Variants in MAPK4 observed in about 807,000 individuals in gnomAD.
MAPK4 encodes mitogen-activated protein kinase 4.
Under a neutral mutation model 47.7 loss-of-function variants are expected in MAPK4, and 22 were observed. The observed-to-expected ratio is 0.46, with a 90% confidence interval of 0.33 to 0.66. The LOEUF (loss-of-function observed/expected upper bound fraction) is 0.66, where lower values mean the gene tolerates loss of function less well. Among genes scored for constraint, MAPK4 ranks in the 30% least tolerant of loss-of-function variants. MAPK4 has a pLI of 0.02. For synonymous variants in MAPK4, 390 were observed against 365.7 expected (o/e 1.07, Z -0.76); for missense variants, 736 against 831.7 (o/e 0.88, Z 1.42).
intron 1 of MAPK4, among the ~76,000 whole-genome samples, chr18:50,615,279 G>A (rs758193875): frequency 8.5e-5 from 13 of 152,162 alleles, no homozygotes; most frequent in Non-Finnish European, 1.8e-4. Context: ...GGTGGAAGCT[G>A]CAGCCCCGAA....
intron 1 of MAPK4, among the ~76,000 whole-genome samples, chr18:50,574,530 TCTC>T (rs1235077644): frequency 6.6e-6 from 1 of 152,182 alleles, no homozygotes; most frequent in African/African-American, 2.4e-5. Flanking sequence ...AGAGCCCAGT[TCTC>T]CTCACTTCTA....
At chr18:50,592,456 A>T (rs995455357) in intron 1 of MAPK4, among the ~76,000 whole-genome samples, 1 of 152,208 alleles carries the variant, frequency 6.6e-6, no homozygotes, top group African/African-American at 2.4e-5. Flanking sequence ...TCTCAATAAG[A>T]GAATCAAAGA....
At chr18:50,606,064 G>A (rs1442550383) in intron 1 of MAPK4, among the ~76,000 whole-genome samples, 1 of 151,916 alleles carries the variant, frequency 6.6e-6, no homozygotes, top group Admixed American at 6.6e-5. Context: ...GGAGGTGGCG[G>A]GGGCGGGGGT....
chr18:50,615,569 A>G (rs2042677835), intron 1 of MAPK4, among the ~76,000 whole-genome samples: 1 of 152,162 alleles, frequency 6.6e-6, no homozygotes, highest in Non-Finnish European at 1.5e-5. Context: ...TTCTACACAC[A>G]TCCCGCTGGT....
intron 1 of MAPK4, among the ~76,000 whole-genome samples, chr18:50,636,907 C>G (rs980003215): frequency 2.0e-5 from 3 of 152,208 alleles, no homozygotes; most frequent in Non-Finnish European, 4.4e-5. Flanking sequence ...GAGATCATCT[C>G]TGTTCACGAT....
intron 2 of MAPK4, among the ~76,000 whole-genome samples, chr18:50,677,120 T>C (rs1908317812): frequency 6.6e-6 from 1 of 152,154 alleles, no homozygotes; most frequent in Non-Finnish European, 1.5e-5. Context: ...GCACGCTCCT[T>C]ATGAGAATCT....
chr18:50,691,699 C>A (rs1909225030), intron 2 of MAPK4, among the ~76,000 whole-genome samples: 1 of 152,194 alleles, frequency 6.6e-6, no homozygotes, highest in Non-Finnish European at 1.5e-5. Flanking sequence ...CTGGAGAATT[C>A]CTTTGCAAAA....
chr18:50,614,163 T>G (rs1182275730), intron 1 of MAPK4, among the ~76,000 whole-genome samples: 1 of 152,160 alleles, frequency 6.6e-6, no homozygotes, highest in Non-Finnish European at 1.5e-5. Context: ...AATTCATAAA[T>G]TATATATACT....
chr18:50,562,439 C>T (rs913115159), intron 1 of MAPK4, among the ~76,000 whole-genome samples: 4 of 145,742 alleles, frequency 2.7e-5, no homozygotes, highest in African/African-American at 1.0e-4. Flanking sequence ...AAAAAAAAGA[C>T]ACCTCCTAAA....
intron 1 of MAPK4, among the ~76,000 whole-genome samples, chr18:50,647,504 G>A (rs1277209590): frequency 6.6e-6 from 1 of 152,274 alleles, no homozygotes; most frequent in South Asian, 2.1e-4. Flanking sequence ...TGCTGTCCAG[G>A]TTTTCTTCTA....
At chr18:50,590,463 C>T (rs1311819788) in intron 1 of MAPK4, among the ~76,000 whole-genome samples, 4 of 152,172 alleles carry the variant, frequency 2.6e-5, no homozygotes, top group African/African-American at 9.7e-5. Flanking sequence ...GCTGCTGAGG[C>T]ACTTCCATGA....
intron 1 of MAPK4, among the ~76,000 whole-genome samples, chr18:50,613,545 C>T (rs2042658231): frequency 6.6e-6 from 1 of 152,222 alleles, no homozygotes; most frequent in South Asian, 2.1e-4. Context: ...ATTGTGTCTA[C>T]ACTCCTTACC....
At chr18:50,666,092 T>G (rs1907586713) in intron 2 of MAPK4, among the ~76,000 whole-genome samples, 1 of 152,132 alleles carries the variant, frequency 6.6e-6, no homozygotes, top group East Asian at 1.9e-4. Context: ...ACCGGTACAT[T>G]TGAGTATCAT....
intron 1 of MAPK4, among the ~76,000 whole-genome samples, chr18:50,626,893 C>T (rs1298887492): frequency 6.6e-6 from 1 of 152,204 alleles, no homozygotes. Context: ...TCAAGGGAGC[C>T]CCTCTGCTCA....
intron 1 of MAPK4, among the ~76,000 whole-genome samples, chr18:50,644,392 T>G (rs2042968819): frequency 6.6e-6 from 1 of 152,028 alleles, no homozygotes; most frequent in Non-Finnish European, 1.5e-5. Flanking sequence ...CACTTGCCAT[T>G]GGGTATCTGG....
At chr18:50,639,579 T>A (rs1259921026) in intron 1 of MAPK4, among the ~76,000 whole-genome samples, 1 of 152,108 alleles carries the variant, frequency 6.6e-6, no homozygotes. Flanking sequence ...ATAAGCAAAA[T>A]GTTAAAAGAT....
At chr18:50,635,907 A>G (rs2042883197) in intron 1 of MAPK4, among the ~76,000 whole-genome samples, 2 of 152,166 alleles carry the variant, frequency 1.3e-5, no homozygotes, top group Non-Finnish European at 2.9e-5. Flanking sequence ...CTGGTCCACT[A>G]TAGTCCATGG....
chr18:50,576,940 G>A (rs1284252684), intron 1 of MAPK4, among the ~76,000 whole-genome samples: 1 of 152,182 alleles, frequency 6.6e-6, no homozygotes, highest in African/African-American at 2.4e-5. Context: ...TTTCGGGTAG[G>A]TGCTGTAGGA....
chr18:50,722,109 C>G lies in MAPK4; in HGVS notation c.853+10C>G. The G allele has an allele frequency of 6.2e-7, 1 of 1,607,328 alleles. No homozygotes were observed. Among genetic ancestry groups the G allele is most frequent in the South Asian group, 1.1e-5 (1 of 90,076 alleles). ...GAAGTGAACAGTGAAGGTACCTGAGCCTGGCAGCCAGGCCAAGTGTCCTGG... is the reference window on the plus strand; with the variant it reads ...GAAGTGAACAGTGAAGGTACCTGAGGCTGGCAGCCAGGCCAAGTGTCCTGG... On this transcript the variant is annotated intron_variant, in intron 4 of 5. Transcript: ENST00000400384.
Sources: allele counts gnomAD v4.1 joint callset (sites outside exome capture counted in the v4.1 genomes callset), GRCh38; gene constraint gnomAD v4.1.1; transcripts MANE v1.5; gene names NCBI Gene and HGNC (gene_info 2026-07-23, HGNC 2026-07-21).